The following EIF4G3 variants were observed in gnomAD, a reference collection of about 807,000 sequenced individuals.
EIF4G3 encodes eIF-4-gamma 3.
A neutral mutation model predicts 186.4 loss-of-function variants in EIF4G3; 34 were observed. The ratio of observed to expected loss-of-function variants is 0.18; its 90% confidence interval spans 0.14 to 0.24. EIF4G3 has a LOEUF of 0.24. Ranked by LOEUF, EIF4G3 falls within the 10% of genes least tolerant of loss-of-function variation. The probability of loss-of-function intolerance (pLI) is 1.00; values close to 1 mark genes in which losing one functional copy is unlikely to be tolerated. For missense variants in EIF4G3, 1,536 were observed against 1,948.5 expected (o/e 0.79, Z 3.99); for synonymous variants, 673 against 679.5 (o/e 0.99, Z 0.15).
intron 14 of EIF4G3, among the ~76,000 whole-genome samples, chr1:20,906,802 A>G (rs1206099874): frequency 7.3e-6 from 1 of 137,578 alleles, no homozygotes; most frequent in Non-Finnish European, 1.6e-5. Flanking sequence ...GTCCTTAAAA[A>G]AAACTGGATA....
chr1:20,969,636 T>C (rs758424004), intron 11 of EIF4G3, 40 bp from the exon 12 acceptor site: 2 of 1,598,662 alleles, frequency 1.3e-6, no homozygotes, highest in Non-Finnish European at 1.7e-6. Context: ...CAGATGAGTG[T>C]CTGTGTAGCA....
chr1:20,828,410 AAC>A, intron 31 of EIF4G3, among the ~76,000 whole-genome samples: 1 of 152,310 alleles, frequency 6.6e-6, no homozygotes, highest in East Asian at 1.9e-4. Flanking sequence ...CCAATTTTGT[AAC>A]AGTCTAAATC....
chr1:20,812,087 G>GT (rs1231393233), intron 35 of EIF4G3, among the ~76,000 whole-genome samples: 1 of 152,156 alleles, frequency 6.6e-6, no homozygotes, highest in Non-Finnish European at 1.5e-5. Context: ...TATATTATCT[G>GT]TAAGTTATCA....
chr1:21,153,066 A>G (rs1238723946), intron 2 of EIF4G3, among the ~76,000 whole-genome samples: 1 of 152,166 alleles, frequency 6.6e-6, no homozygotes. Flanking sequence ...TCTCAAATCT[A>G]TTTTCTAATT....
chr1:21,081,889 C>T (rs1031638063), intron 3 of EIF4G3, among the ~76,000 whole-genome samples: 3 of 151,862 alleles, frequency 2.0e-5, no homozygotes, highest in Admixed American at 6.6e-5. Context: ...GTGATCTAAC[C>T]GCCTCAGCCT....
chr1:20,806,364 G>A (rs1315794173), downstream of EIF4G3: 7 of 152,576 alleles, frequency 4.6e-5, no homozygotes, highest in Non-Finnish European at 8.8e-5. Flanking sequence ...ACTCTCTCTC[G>A]TTTTATCTCT....
intron 2 of EIF4G3, among the ~76,000 whole-genome samples, chr1:21,092,240 T>C (rs1011722708): frequency 6.6e-6 from 1 of 152,182 alleles, no homozygotes; most frequent in Non-Finnish European, 1.5e-5. Flanking sequence ...TCTGCATCTA[T>C]TGAGATAATC....
chr1:21,116,533 C>A (rs2096826076), intron 2 of EIF4G3, among the ~76,000 whole-genome samples: 1 of 151,928 alleles, frequency 6.6e-6, no homozygotes, highest in Non-Finnish European at 1.5e-5. Flanking sequence ...CCTCCAAAAT[C>A]TCGTTTAAAA....
At position 20,817,439 on chromosome 1, in the gene EIF4G3, T is replaced by C; in HGVS notation, c.4468A>G (p.Ile1490Val). 1.9e-6 allele frequency: 3 copies of C among 1,609,716 alleles called. No individual in the cohort carries two copies. The highest frequency in any genetic ancestry group is 1.3e-5 in the African/African-American group (1 of 74,960). The change falls in exon 34 of 37, where the codon ATT (isoleucine) becomes GTT (valine). Residue 1490 changes from isoleucine (I) to valine (V), a missense_variant. Transcript: ENST00000602326. ...EELYKRLEKL[I>V]IEDKANDEQI... ...TCATCATTCGCTTTGTCCTCAATAA[T>C]GAGTTTCTCGAGTCGCTTATACAGC...
At chr1:20,821,905 C>T (rs1365222829) in intron 33 of EIF4G3, among the ~76,000 whole-genome samples, 1 of 152,014 alleles carries the variant, frequency 6.6e-6, no homozygotes, top group African/African-American at 2.4e-5. Context: ...AATATGGAGT[C>T]TTGCTCTGTC....
chr1:21,090,502 T>C (rs959143153), intron 2 of EIF4G3, among the ~76,000 whole-genome samples: 7 of 152,204 alleles, frequency 4.6e-5, no homozygotes, highest in Admixed American at 6.5e-5. Context: ...AAAGAACAAA[T>C]GTTTATGAAA....
intron 20 of EIF4G3, among the ~76,000 whole-genome samples, chr1:20,872,532 T>G (rs2079509504): frequency 6.6e-6 from 1 of 152,086 alleles, no homozygotes; most frequent in Non-Finnish European, 1.5e-5. Context: ...TTTTTTAAGG[T>G]TCAGCAATAA....
chr1:20,888,495 ATATT>A (rs1300005694), intron 18 of EIF4G3, among the ~76,000 whole-genome samples: 12 of 152,182 alleles, frequency 7.9e-5, no homozygotes, highest in African/African-American at 2.9e-4. Context: ...TAATGTGCCC[ATATT>A]TACACTCTGA....
At chr1:20,977,435 CCTTGGT>C (rs2077082495) in intron 10 of EIF4G3, among the ~76,000 whole-genome samples, 1 of 152,180 alleles carries the variant, frequency 6.6e-6, no homozygotes, top group South Asian at 2.1e-4. Context: ...GATCCACCCA[CCTTGGT>C]CTCCCAAAGT....
intron 7 of EIF4G3, among the ~76,000 whole-genome samples, chr1:20,992,650 AT>A (rs1432581669): frequency 1.3e-5 from 2 of 152,232 alleles, no homozygotes; most frequent in Non-Finnish European, 2.9e-5. Context: ...TGTGAAAAGT[AT>A]GTGAACCAAA....
intron 14 of EIF4G3, among the ~76,000 whole-genome samples, chr1:20,930,187 T>C (rs1454527610): frequency 6.6e-6 from 1 of 152,216 alleles, no homozygotes; most frequent in African/African-American, 2.4e-5. Context: ...ACCTTGATGA[T>C]GATGGCTGCT....
At chr1:21,009,378 C>T (rs1011431294) in intron 4 of EIF4G3, among the ~76,000 whole-genome samples, 4 of 152,022 alleles carry the variant, frequency 2.6e-5, no homozygotes, top group African/African-American at 9.7e-5. Flanking sequence ...TAGGGTCTTG[C>T]CAATGTTGCC....
chr1:21,172,933 G>T (rs1002229948), intron 2 of EIF4G3, among the ~76,000 whole-genome samples: 3 of 149,184 alleles, frequency 2.0e-5, no homozygotes, highest in Non-Finnish European at 4.5e-5. Context: ...AAGGTCAGGA[G>T]ATCAAGACCA....
chr1:21,151,731 AC>A lies in EIF4G3; in HGVS notation c.-272+24443del, dbSNP rs1221244823. Among the ~76,000 whole-genome samples the A allele has an allele frequency of 5.5e-5, 8 of 145,202 alleles. No homozygotes were observed. In the East Asian group the frequency reaches 1.6e-3, roughly 30 times the overall value. On this transcript the variant is annotated intron_variant, in intron 2 of 36. Transcript: ENST00000602326. ...CAAATTGTATTAAATAAAAAAAAAA[AC>A]AGGGCTAATTTCAAGGTATTCCTTG...
Sources: allele counts gnomAD v4.1 joint callset (sites outside exome capture counted in the v4.1 genomes callset), GRCh38; gene constraint gnomAD v4.1.1; transcripts MANE v1.5; gene names NCBI Gene and HGNC (gene_info 2026-07-23, HGNC 2026-07-21).